The following DNMT3A variants were observed in gnomAD, a reference collection of about 807,000 sequenced individuals.
The protein encoded by DNMT3A is DNA (cytosine-5)-methyltransferase 3A.
Under a neutral mutation model 117.6 loss-of-function variants are expected in DNMT3A, and 267 were observed. The observed-to-expected ratio is 2.27, with a 90% CI of 2.05 to 2.51. DNMT3A has a LOEUF of 2.51. Among genes scored for constraint, DNMT3A ranks in the 30% most tolerant of loss-of-function variants. The pLI, the probability that DNMT3A is intolerant of heterozygous loss-of-function variation, is 0.00. For missense variants in DNMT3A, 1,029 were observed against 1,260.2 expected, an observed-to-expected ratio of 0.82 and a Z score of 2.78; for synonymous variants, 432 against 474.8, an observed-to-expected ratio of 0.91 and a Z score of 1.17.
At chr2:25,238,063 A>C (rs1673560339) in intron 20 of DNMT3A, among the ~76,000 whole-genome samples, 2 of 152,210 alleles carry the variant, frequency 1.3e-5, no homozygotes, top group South Asian at 2.1e-4. Context: ...CTCCTCCTAG[A>C]AGCTCAGAGT....
rs115893614 is a variant in DNMT3A, at chr2:25,259,480, A to G, written c.640-11228T>C. On this transcript the variant is annotated intron_variant, in intron 6 of 22. Transcript: ENST00000321117. ...TAGCTTCTTTGGGCCTTGGTTTCCTAACTAGCCTAATAGAATCACACGTAT... is the reference window on the plus strand; with the variant it reads ...TAGCTTCTTTGGGCCTTGGTTTCCTGACTAGCCTAATAGAATCACACGTAT... Among the ~76,000 whole-genome samples, 1,077 of 152,350 alleles carry G rather than the reference A, an allele frequency of 7.1e-3. 17 individuals carry two copies. The highest frequency in any genetic ancestry group is 0.025 in the African/African-American group (1,035 of 41,568).
At chr2:25,323,221 C>T (rs1301627519) in intron 1 of DNMT3A, among the ~76,000 whole-genome samples, 1 of 152,144 alleles carries the variant, frequency 6.6e-6, no homozygotes, top group Non-Finnish European at 1.5e-5. Flanking sequence ...TGCTGTCTTC[C>T]CGCCATGTGG....
intron 2 of DNMT3A, among the ~76,000 whole-genome samples, chr2:25,302,944 G>A (rs756701757): frequency 1.7e-4 from 26 of 152,282 alleles, no homozygotes; most frequent in African/African-American, 5.8e-4. Flanking sequence ...GCAGCCTCTC[G>A]GAGCCTCAGT....
In DNMT3A at chr2:25,286,953, G is replaced by A. The variant is rs1180990276; in HGVS notation, c.178-4242C>T. On this transcript the variant is annotated intron_variant, in intron 3 of 22. Transcript: ENST00000321117. This position sits in a 1 kb window ranked among gnomAD's most constrained non-coding sequence, Gnocchi z 4.3. ...GACTTTGCTCGATCTGGAGGGCAGA[G>A]ACTTTGCTCGATCCGGCTAGACTTA... Among the ~76,000 whole-genome samples, 1 of 152,224 alleles carries A rather than the reference G, an allele frequency of 6.6e-6. No homozygotes were observed. The highest frequency in any genetic ancestry group is 1.5e-5 in the Non-Finnish European group (1 of 68,042).
chr2:25,275,014 G>A lies in DNMT3A; in HGVS notation c.566C>T (p.Thr189Ile). The A allele has an allele frequency of 6.2e-7, 1 of 1,612,924 alleles. No homozygotes were observed. Among genetic ancestry groups the A allele is most frequent in the Non-Finnish European group, 8.5e-7 (1 of 1,179,656 alleles). The part of the protein sequence containing the change: ...SLRQRPMPRL[T>I]FQAGDPYYIS... ...GTAGTAGGGGTCCCCCGCCTGGAAG[G>A]TGAGCCTCGGCATGGGCCGCTGACG... Residue 189 changes from threonine to isoleucine, a missense_variant, in exon 6 of 23, where the codon ACC becomes ATC. Transcript: ENST00000321117.
intron 19 of DNMT3A, 25 bp downstream of exon 19, chr2:25,240,277 G>A (rs1242432137): frequency 3.1e-6 from 5 of 1,613,868 alleles, no homozygotes; most frequent in Non-Finnish European, 4.2e-6. Context: ...TAGTGAGCTG[G>A]CCAAACCAAG....
rs1267440042 is a variant in DNMT3A at position 25,236,322 on chromosome 2, C to G, written c.2479-497G>C. On this transcript the variant is annotated intron_variant, in intron 21 of 22. Coordinates refer to ENST00000321117, the MANE Select transcript of DNMT3A (RefSeq NM_022552.5). This position sits in a 1 kb window ranked among gnomAD's most constrained non-coding sequence, Gnocchi z 4.5. ...TCAGGTGATCCGCCTGCCTCGGCCT[C>G]CCAAAGTATTGGGATTATAGGCGTG... is the stretch of plus-strand genomic sequence containing the variant. Among the ~76,000 whole-genome samples, 1 of 152,210 alleles carries G rather than the reference C, an allele frequency of 6.6e-6. No individual in the cohort carries two copies. Among genetic ancestry groups the G allele is most frequent in the Non-Finnish European group, 1.5e-5 (1 of 68,040 alleles).
rs1672825896 is a variant in DNMT3A, at chr2:25,230,489, T to G, written c.*3790A>C. On this transcript the variant is annotated 3_prime_UTR_variant, in exon 23 of 23. Coordinates refer to ENST00000321117, the MANE Select transcript of DNMT3A (RefSeq NM_022552.5). ...GTTTCTAAGGGGGAAATGGGCCTAC[T>G]CTTCGGAAAGAAAATTCCACAGGGA... 1 of 152,236 alleles carries G rather than the reference T, an allele frequency of 6.6e-6. No homozygotes were observed. Among genetic ancestry groups the G allele is most frequent in the Admixed American group, 6.5e-5 (1 of 15,286 alleles). The allele number at this position is 152,236 out of a possible 1,614,324, so 9.4% of individuals were successfully genotyped here.
At chr2:25,317,955 G>A (rs144157439) in intron 1 of DNMT3A, among the ~76,000 whole-genome samples, 2,186 of 152,210 alleles carry the variant, frequency 0.014, 176 homozygotes, top group Admixed American at 0.13. Flanking sequence ...GGCTGGTCTC[G>A]AACTCCCAAT....
intron 1 of DNMT3A, among the ~76,000 whole-genome samples, chr2:25,329,710 C>CACACACAG (rs1416857914): frequency 2.0e-5 from 3 of 149,624 alleles, no homozygotes; most frequent in Non-Finnish European, 3.0e-5. Context: ...CACACACACA[C>CACACACAG]ACAGACACAC....
intron 1 of DNMT3A, among the ~76,000 whole-genome samples, chr2:25,323,400 C>G (rs2034671408): frequency 6.6e-6 from 1 of 152,182 alleles, no homozygotes; most frequent in South Asian, 2.1e-4. Context: ...TTGTGGTTGA[C>G]ACCCTCCTGA....
At chr2:25,265,733 C>T (rs897277429) in intron 6 of DNMT3A, among the ~76,000 whole-genome samples, 6 of 151,544 alleles carry the variant, frequency 4.0e-5, no homozygotes, top group Admixed American at 1.3e-4. Context: ...GCAGGAGAAT[C>T]GCTTGAACCC....
At chr2:25,250,339 G>A (rs541285491) in intron 6 of DNMT3A, among the ~76,000 whole-genome samples, 1 of 152,222 alleles carries the variant, frequency 6.6e-6, no homozygotes, top group Non-Finnish European at 1.5e-5. Flanking sequence ...CACTGAAGAT[G>A]TTAAGTCCTA....
chr2:25,264,549 G>T (rs2030089443), intron 6 of DNMT3A, among the ~76,000 whole-genome samples: 1 of 151,720 alleles, frequency 6.6e-6, no homozygotes, highest in Non-Finnish European at 1.5e-5. Flanking sequence ...CTCACTGCAA[G>T]CTCCGCCTCC....
rs1353862024 is a variant in DNMT3A at position 25,286,899 on chromosome 2, C to G, written c.178-4188G>C. Among the ~76,000 whole-genome samples, 1 of 152,254 alleles carries G rather than the reference C, an allele frequency of 6.6e-6. No individual in the cohort carries two copies. The highest frequency in any genetic ancestry group is 1.5e-5 in the Non-Finnish European group (1 of 68,044). ...TCTCCTCCCCTCCTTTCCCCTGTCT[C>G]CACAGCTTGTTGACCTCTGGAGGGC... On this transcript the variant is annotated intron_variant, in intron 3 of 22. Coordinates refer to ENST00000321117, the MANE Select transcript of DNMT3A (RefSeq NM_022552.5). The surrounding 1 kb of genome is among the most constrained non-coding windows in gnomAD (Gnocchi z 4.3).
intron 3 of DNMT3A, among the ~76,000 whole-genome samples, chr2:25,291,998 T>A (rs1400165548): frequency 1.3e-5 from 2 of 152,216 alleles, no homozygotes; most frequent in African/African-American, 4.8e-5. Flanking sequence ...CTCACGCCTG[T>A]AATCCCAGCA....
At chr2:25,318,055 G>A (rs2034452411) in intron 1 of DNMT3A, among the ~76,000 whole-genome samples, 1 of 152,098 alleles carries the variant, frequency 6.6e-6, no homozygotes, top group Admixed American at 6.5e-5. Context: ...TTTAAATGCT[G>A]ATGTCCAGTC....
rs762688924 is a variant in DNMT3A at position 25,312,374 on chromosome 2, C to T, written c.72+1539G>A. On this transcript the variant is annotated intron_variant, in intron 2 of 22. Coordinates refer to ENST00000321117, the MANE Select transcript of DNMT3A (RefSeq NM_022552.5). ...AAGGGAGGAGCCTGATCGGTCGCCC[C>T]GGGCGTCCTGCCCAGTGGGCCGCAG... Among the ~76,000 whole-genome samples, 101 of 152,220 alleles carry T rather than the reference C, an allele frequency of 6.6e-4. 1 individual carries two copies. Among genetic ancestry groups the T allele is most frequent in the Admixed American group, 7.8e-4 (12 of 15,292 alleles).
chr2:25,326,108 ATGTGTGTGTGTG>A (rs61521265), intron 1 of DNMT3A, among the ~76,000 whole-genome samples: 139 of 142,360 alleles, frequency 9.8e-4, no homozygotes, highest in African/African-American at 1.5e-3. Context: ...CTTGATATAT[ATGTGTGTGTGTG>A]TGTGTGTGTG....
Sources: gnomAD v4.1 joint callset for allele counts (sites outside exome capture counted in the v4.1 genomes callset) on GRCh38, gnomAD v4.1.1 for gene constraint, Gnocchi (gnomAD v3.1) non-coding constraint, MANE v1.5 for transcripts, NCBI Gene and HGNC (gene_info 2026-07-23, HGNC 2026-07-21) for gene names.